Variants in B4GALNT4 observed in about 807,000 individuals in gnomAD.
The protein encoded by B4GALNT4 is beta-1,4-N-acetyl-galactosaminyltransferase 4.
A neutral mutation model predicts 110.0 loss-of-function variants in B4GALNT4; 77 were observed. The ratio of observed to expected loss-of-function variants is 0.70; its 90% CI spans 0.58 to 0.85. The LOEUF is 0.85. Among genes scored for constraint, B4GALNT4 ranks in the 40% least tolerant of loss-of-function variants. B4GALNT4 has a pLI of 0.00. For synonymous variants in B4GALNT4, 785 were observed against 655.5 expected (o/e 1.20, Z -3.02); for missense variants, 1,575 against 1,506.0 (o/e 1.05, Z -0.76).
chr11:379,513 G>A lies in B4GALNT4; in HGVS notation c.2300G>A (p.Gly767Glu). ...FLLELELQER[G>E]GGRLRLSEYV... ...CTGGAGCTGGAGCTGCAGGAGCGCG[G>A]GGGCGGCCGCCTGCGACTGTCCGAG... The change falls in exon 15 of 20, where the codon GGG becomes GAG. Residue 767 changes from glycine (G) to glutamate (E), a missense_variant. By Grantham distance (98) the Gly-to-Glu change is moderately conservative. Coordinates refer to ENST00000329962, the MANE Select transcript of B4GALNT4 (RefSeq NM_178537.5). 6.3e-7 allele frequency: 1 copy of A among 1,578,028 alleles called. No homozygotes were observed. The highest frequency in any genetic ancestry group is 2.3e-5 in the East Asian group (1 of 43,392).
intron 1 of B4GALNT4, among the ~76,000 whole-genome samples, 195 bp from the exon 2 acceptor site, chr11:371,914 G>T (rs1846624237): frequency 6.6e-6 from 1 of 152,230 alleles, no homozygotes; most frequent in South Asian, 2.1e-4. Flanking sequence ...GGGTGTAGAA[G>T]AAGTTGCCTT....
At chr11:374,496 CAG>C (rs1001593078) in intron 8 of B4GALNT4, among the ~76,000 whole-genome samples, 8 of 140,986 alleles carry the variant, frequency 5.7e-5, no homozygotes, top group African/African-American at 1.9e-4. Context: ...AGACTGGAGA[CAG>C]GGGTTTGGGG....
Position 372,929 on chromosome 11 carries a change from C to G in B4GALNT4, c.426C>G (p.His142Gln), listed in dbSNP as rs1420810091. 6.2e-7 allele frequency: 1 copy of G among 1,609,636 alleles called. No individual in the cohort carries two copies. Among genetic ancestry groups the G allele is most frequent in the African/African-American group, 1.3e-5 (1 of 74,582 alleles). Reference sequence around the variant, plus strand: ...TGGGCCACCTGAGGAGGAACCTGCACTTCCCGCTGTTCCCTCATGTGAGTG... The same window carrying G: ...TGGGCCACCTGAGGAGGAACCTGCAGTTCCCGCTGTTCCCTCATGTGAGTG... Reference protein sequence around the residue: ...GAVGHLRRNLHFPLFPHTRTT... With the variant: ...GAVGHLRRNLQFPLFPHTRTT... Residue 142 changes from histidine to glutamine, a missense_variant, in exon 4 of 20, where the codon CAC (histidine) becomes CAG (glutamine). Physicochemically the swap from His to Gln is conservative, Grantham distance 24 (BLOSUM62 0). Transcript: ENST00000329962.
intron 14 of B4GALNT4, among the ~76,000 whole-genome samples, chr11:377,716 AG>A (rs1846788563): frequency 2.0e-5 from 3 of 152,226 alleles, no homozygotes; most frequent in African/African-American, 7.2e-5. Context: ...AGAGACCCTT[AG>A]GGCAAAGCTC....
At chr11:370,192 T>A (rs1387114219) in intron 1 of B4GALNT4, among the ~76,000 whole-genome samples, 6 of 151,716 alleles carry the variant, frequency 4.0e-5, no homozygotes, top group Non-Finnish European at 8.8e-5. Context: ...GGACGCTCGA[T>A]GACGTCGGCA....
At chr11:377,960 G>A (rs1216177002) in intron 14 of B4GALNT4, among the ~76,000 whole-genome samples, 1 of 152,270 alleles carries the variant, frequency 6.6e-6, no homozygotes, top group Non-Finnish European at 1.5e-5. Flanking sequence ...GGCAGTGTCT[G>A]CTGTGCCCAG....
Position 376,997 on chromosome 11 carries a change from T to A in B4GALNT4, c.1874T>A (p.Val625Glu). The A allele has an allele frequency of 6.9e-7, 1 of 1,453,894 alleles. No individual in the cohort carries two copies. The highest frequency in any genetic ancestry group is 2.9e-5 in the Admixed American group (1 of 34,032). 90.1% of individuals were successfully genotyped at this position (1,453,894 alleles called of 1,614,324 possible). A position where few individuals can be genotyped will look rare whatever the true frequency, so the allele number is the denominator to read the frequency against. ...AACTTGTCCTCCGAAGCGCGGCCCG[T>A]GACCTCCTTCCTGAGCTTGTCCCAG... ...DSNLSSEARPVTSFLSLSQVS... is the reference protein window; with the variant it reads ...DSNLSSEARPETSFLSLSQVS... Residue 625 changes from valine to glutamate, a missense_variant, in exon 14 of 20, where the codon GTG (valine) becomes GAG (glutamate). By Grantham distance (121) the Val-to-Glu change is moderately radical. Transcript: ENST00000329962.
rs535304048 is a variant in B4GALNT4, at chr11:375,569, G to C, written c.850+42G>C. The C allele has an allele frequency of 1.8e-5, 29 of 1,605,358 alleles. No homozygotes were observed. The African/African-American group carries it at 3.6e-4, about 20-fold the overall frequency. ...CTGGGGATGTGGGGCTCCTCGGGATGGGCTCTGGGTGTGAGTGGGAAGAGT... is the reference window on the plus strand; with the variant it reads ...CTGGGGATGTGGGGCTCCTCGGGATCGGCTCTGGGTGTGAGTGGGAAGAGT... On this transcript the variant is annotated intron_variant, in intron 9 of 19. Coordinates refer to ENST00000329962, the MANE Select transcript of B4GALNT4 (RefSeq NM_178537.5).
Position 369,781 on chromosome 11 carries a change from C to A in B4GALNT4, c.-23C>A. 1.0e-6 allele frequency: 1 copy of A among 974,182 alleles called. No homozygotes were observed. Among genetic ancestry groups the A allele is most frequent in the Non-Finnish European group, 1.2e-6 (1 of 823,500 alleles). 60.3% of individuals were successfully genotyped at this position (974,182 alleles called of 1,614,324 possible). ...CTGCAGCGGCGCCGCTGAGCGCGGCCTGGGGCGGGCGCGGCGGCCGCGATG... is the reference window on the plus strand; with the variant it reads ...CTGCAGCGGCGCCGCTGAGCGCGGCATGGGGCGGGCGCGGCGGCCGCGATG... On this transcript the variant is annotated 5_prime_UTR_variant, in exon 1 of 20. The change creates a new upstream start codon in the 5' untranslated region. Transcript: ENST00000329962.
chr11:377,411 C>T (rs1286829895), intron 14 of B4GALNT4, 84 bp downstream of exon 14: 8 of 1,365,444 alleles, frequency 5.9e-6, no homozygotes, highest in Non-Finnish European at 7.6e-6. Flanking sequence ...TGGCGGACTC[C>T]TCAGACCTTC....
chr11:377,573 G>A (rs1328017214), intron 14 of B4GALNT4, among the ~76,000 whole-genome samples: 1 of 152,172 alleles, frequency 6.6e-6, no homozygotes, highest in East Asian at 1.9e-4. Flanking sequence ...CAGGGCTGGC[G>A]CCCCATCCTT....
chr11:381,775 C>CGAGA lies in B4GALNT4; in HGVS notation c.3104_3105insAGAG (p.Thr1036GlufsTer86). 6.3e-7 allele frequency: 1 copy of CGAGA among 1,580,100 alleles called. No homozygotes were observed. The highest frequency in any genetic ancestry group is 8.6e-7 in the Non-Finnish European group (1 of 1,167,150). ...GAGCGTCCGCAGCAGGAAGGGCTCT[C>CGAGA]GCACGGGGGCGTCTTGAGGACGGGC... On this transcript the variant is annotated frameshift_variant, in exon 20 of 20. Coordinates refer to ENST00000329962, the MANE Select transcript of B4GALNT4 (RefSeq NM_178537.5). LOFTEE classifies it low-confidence loss of function (END_TRUNC).
At chr11:381,308 C>T (rs929585123) in intron 19 of B4GALNT4, among the ~76,000 whole-genome samples, 2 of 151,334 alleles carry the variant, frequency 1.3e-5, no homozygotes, top group South Asian at 2.1e-4. Flanking sequence ...TCTCCGCCCC[C>T]GGCCCCGGGG....
chr11:369,799 C>T lies in B4GALNT4; in HGVS notation c.-5C>T. On this transcript the variant is annotated 5_prime_UTR_variant, in exon 1 of 20. Coordinates refer to ENST00000329962, the MANE Select transcript of B4GALNT4 (RefSeq NM_178537.5). ...GCGCGGCCTGGGGCGGGCGCGGCGG[C>T]CGCGATGCCGCGGCTCCCGGTGAAG... 1 of 979,308 alleles carries T rather than the reference C, an allele frequency of 1.0e-6. No homozygotes were observed. The highest frequency in any genetic ancestry group is 1.2e-6 in the Non-Finnish European group (1 of 827,498). The allele number at this position is 979,308 out of a possible 1,614,324, so 60.7% of individuals were successfully genotyped here.
In B4GALNT4 at chr11:373,071, A is replaced by G. The variant is rs772694062; in HGVS notation, c.490A>G (p.Asn164Asp). 15 of 1,611,568 alleles carry G rather than the reference A, an allele frequency of 9.3e-6. No homozygotes were observed. Among genetic ancestry groups the G allele is most frequent in the Non-Finnish European group, 1.0e-5 (12 of 1,179,758 alleles). The change falls in exon 5 of 20, where the codon AAC (asparagine) becomes GAC (aspartate). Residue 164 changes from asparagine (N) to aspartate (D), a missense_variant. Asn to Asp is a conservative substitution (Grantham distance 23). Coordinates refer to ENST00000329962, the MANE Select transcript of B4GALNT4 (RefSeq NM_178537.5). ...GTTGGCCGTGTCCCCCAAGTGGAAG[A>G]ACTATGGACTCCGTATTTTTGGTTT... ...KKLAVSPKWK[N>D]YGLRIFGFIH... is the part of the protein sequence containing the mutation.
intron 18 of B4GALNT4, 33 bp downstream of exon 18, chr11:380,478 A>G (rs769276350): frequency 9.0e-6 from 14 of 1,557,074 alleles, no homozygotes; most frequent in African/African-American, 1.4e-5. Flanking sequence ...CTGTGATACC[A>G]GGGTTCCCAC....
chr11:373,416 C>A (rs754289984), intron 6 of B4GALNT4, 33 bp from the exon 7 acceptor site: 1 of 1,102,346 alleles, frequency 9.1e-7, no homozygotes, highest in Non-Finnish European at 1.3e-6. Context: ...GAACCCCCCC[C>A]CCCACCACCA....
chr11:380,039 C>T lies in B4GALNT4; in HGVS notation c.2642+20C>T, dbSNP rs770734571. ...GCCCCGGTAACGACCCCTACTTCCA[C>T]CTGGGCGGACCCAGCGCAGCTTTCC... is the stretch of plus-strand genomic sequence containing the variant. On this transcript the variant is annotated intron_variant, in intron 16 of 19. Transcript: ENST00000329962. The T allele has an allele frequency of 3.1e-6, 5 of 1,608,442 alleles. No homozygotes were observed. The highest frequency in any genetic ancestry group is 4.2e-6 in the Non-Finnish European group (5 of 1,176,612).
In B4GALNT4 at chr11:379,448, G is replaced by A. The variant is rs1348927237; in HGVS notation, c.2235G>A (p.Val745=). The A allele has an allele frequency of 6.5e-7, 1 of 1,545,882 alleles. No homozygotes were observed. Among genetic ancestry groups the A allele is most frequent in the Non-Finnish European group, 8.7e-7 (1 of 1,154,444 alleles). The change falls in exon 15 of 20, where the codon GTG becomes GTA. Residue 745 remains valine (V), a synonymous_variant. Transcript: ENST00000329962. ...GRFALLRIVN[V]EKRRDSARGS... ...TCGCGCTTCTGCGCATCGTGAACGT[G>A]GAGAAGCGCCGGGACTCGGCGCGAG...
Sources: allele counts gnomAD v4.1 joint callset (sites outside exome capture counted in the v4.1 genomes callset), GRCh38; gene constraint gnomAD v4.1.1; transcripts MANE v1.5; gene names NCBI Gene and HGNC (gene_info 2026-07-23, HGNC 2026-07-21).